LTBP2: variants seen among roughly 807,000 people sequenced by gnomAD.
The protein encoded by LTBP2 is latent transforming growth factor beta binding protein 2, also known as latent-transforming growth factor beta-binding protein 2.
A neutral mutation model predicts 210.6 loss-of-function variants in LTBP2; 103 were observed. The observed-to-expected ratio is 0.49, with a 90% CI of 0.42 to 0.58. The LOEUF is 0.58. LTBP2 is among the 20% of genes least tolerant of loss of function. The probability of loss-of-function intolerance (pLI) is 0.00; values close to 1 mark genes in which losing one functional copy is unlikely to be tolerated. For missense variants in LTBP2, 2,313 were observed against 2,494.5 expected, an observed-to-expected ratio of 0.93 and a Z score of 1.55; for synonymous variants, 1,007 against 1,015.0, an observed-to-expected ratio of 0.99 and a Z score of 0.15.
chr14:74,576,048 C>A (rs2088054538), intron 3 of LTBP2, among the ~76,000 whole-genome samples: 1 of 152,184 alleles, frequency 6.6e-6, no homozygotes, highest in South Asian at 2.1e-4. Context: ...TCTCAGCACT[C>A]CTGAGGGTCT....
At chr14:74,611,196 G>C (rs2088601376) in intron 1 of LTBP2, among the ~76,000 whole-genome samples, 1 of 152,252 alleles carries the variant, frequency 6.6e-6, no homozygotes, top group African/African-American at 2.4e-5. Context: ...GGCGCCTTGC[G>C]AAAGGATTTA....
At chr14:74,575,163 A>G (rs558232785) in intron 3 of LTBP2, among the ~76,000 whole-genome samples, 68 of 152,344 alleles carry the variant, frequency 4.5e-4, no homozygotes, top group South Asian at 4.1e-3. Flanking sequence ...ACATCTGCCC[A>G]GAGCTGGAGT....
chr14:74,604,464 TGCACAATTTTTATGTGGAG>T (rs2088496053), intron 1 of LTBP2, among the ~76,000 whole-genome samples: 1 of 151,524 alleles, frequency 6.6e-6, no homozygotes, highest in Non-Finnish European at 1.5e-5. Flanking sequence ...AAGCTGCCTC[TGCACAATTTTTATGTGGAG>T]GCACAATTTT....
At chr14:74,590,631 A>C (rs967420280) in intron 2 of LTBP2, among the ~76,000 whole-genome samples, 3 of 152,176 alleles carry the variant, frequency 2.0e-5, no homozygotes, top group Non-Finnish European at 4.4e-5. Context: ...TGATATATAT[A>C]TACACCATGG....
intron 2 of LTBP2, among the ~76,000 whole-genome samples, chr14:74,591,571 G>A (rs1016711287): frequency 6.6e-6 from 1 of 152,182 alleles, no homozygotes; most frequent in Non-Finnish European, 1.5e-5. Flanking sequence ...GGCTTCACTC[G>A]CATCCTCTCT....
intron 29 of LTBP2, 26 bp downstream of exon 29, chr14:74,504,957 A>C: frequency 1.6e-6 from 2 of 1,274,662 alleles, no homozygotes; most frequent in Middle Eastern, 3.5e-4. Context: ...TGACCCTTCG[A>C]GGATCTGGAA....
intron 10 of LTBP2, 82 bp downstream of exon 10, chr14:74,532,344 G>C: frequency 1.3e-6 from 2 of 1,590,280 alleles, no homozygotes; most frequent in East Asian, 2.2e-5. Context: ...GAAAATTGCT[G>C]CCCTGGGCCT....
In LTBP2 at chr14:74,552,323, G is replaced by T. The variant is rs746580964; in HGVS notation, c.1263C>A (p.Asn421Lys). ...GCAGGTGGCAGAACTTCCCGGTGGAGTTGGCGGGGCACCAGCATTCGTCCC... is the reference window on the plus strand; with the variant it reads ...GCAGGTGGCAGAACTTCCCGGTGGATTTGGCGGGGCACCAGCATTCGTCCC... ...IGRDECWCPA[N>K]STGKFCHLPI... Residue 421 changes from asparagine (N) to lysine (K), a missense_variant, in exon 6 of 36, where the codon AAC becomes AAA. Coordinates refer to ENST00000261978, the MANE Select transcript of LTBP2 (RefSeq NM_000428.3). 1 of 1,612,768 alleles carries T rather than the reference G, an allele frequency of 6.2e-7. No individual in the cohort carries two copies. Among genetic ancestry groups the T allele is most frequent in the Non-Finnish European group, 8.5e-7 (1 of 1,179,996 alleles).
chr14:74,501,877 T>A, intron 34 of LTBP2: 1 of 508,620 alleles, frequency 2.0e-6, no homozygotes, highest in East Asian at 3.6e-5. Context: ...CTGCTGGGGT[T>A]TGGGTGGTCG....
intron 1 of LTBP2, among the ~76,000 whole-genome samples, chr14:74,605,025 G>A (rs896605344): frequency 6.6e-6 from 1 of 152,228 alleles, no homozygotes; most frequent in Non-Finnish European, 1.5e-5. Context: ...TCCTTGGCAG[G>A]CTGGGCCGGG....
intron 17 of LTBP2, 121 bp from the exon 18 acceptor site, chr14:74,517,062 A>G: frequency 7.6e-7 from 1 of 1,315,224 alleles, no homozygotes; most frequent in South Asian, 1.3e-5. Context: ...AGGCCTGGGC[A>G]GGGAAGGCAT....
Position 74,585,955 on chromosome 14 carries a change from T to C in LTBP2, c.729A>G (p.Ser243=), listed in dbSNP as rs1383687673. ...RLAPRRWAER[S]PNLRRSSAAG... ...CCGCACTGCTCCTGCGCAGGTTGGGTGAACGCTCGGCCCAGCGTCGAGGTG... is the reference window on the plus strand; with the variant it reads ...CCGCACTGCTCCTGCGCAGGTTGGGCGAACGCTCGGCCCAGCGTCGAGGTG... The change falls in exon 3 of 36, where the codon TCA becomes TCG. Residue 243 remains serine (S), a synonymous_variant. Coordinates refer to ENST00000261978, the MANE Select transcript of LTBP2 (RefSeq NM_000428.3). The C allele has an allele frequency of 9.3e-6, 15 of 1,613,586 alleles. No individual in the cohort carries two copies. The highest frequency in any genetic ancestry group is 1.3e-5 in the African/African-American group (1 of 74,898).
intron 3 of LTBP2, among the ~76,000 whole-genome samples, chr14:74,569,513 C>T (rs2087947043): frequency 6.6e-6 from 1 of 152,090 alleles, no homozygotes; most frequent in Non-Finnish European, 1.5e-5. Context: ...GCCTGGGTTT[C>T]CCCTGGCTAT....
At chr14:74,567,241 G>T (rs1314591419) in intron 3 of LTBP2, among the ~76,000 whole-genome samples, 1 of 152,206 alleles carries the variant, frequency 6.6e-6, no homozygotes, top group South Asian at 2.1e-4. Context: ...ACTCCTAGGA[G>T]CCACATCTCT....
chr14:74,531,146 G>A (rs1249990889), intron 10 of LTBP2, among the ~76,000 whole-genome samples: 2 of 152,184 alleles, frequency 1.3e-5, no homozygotes, highest in East Asian at 3.9e-4. Flanking sequence ...CTGCCCCACT[G>A]GACCTGGTCA....
At chr14:74,507,926 T>C (rs2087011608) in intron 25 of LTBP2, 47 bp downstream of exon 25, 6 of 1,610,396 alleles carry the variant, frequency 3.7e-6, no homozygotes, top group East Asian at 2.2e-5. Context: ...AGTGTAGAGA[T>C]GGGCAGATGT....
rs1294786447 is a variant in LTBP2, at chr14:74,586,159, G to A, written c.566-41C>T. On this transcript the variant is annotated intron_variant, in intron 2 of 35. Transcript: ENST00000261978. The surrounding 1 kb of genome is among the most constrained non-coding windows in gnomAD (Gnocchi z 4.6). ...GAGAGGTGACAGCAGTGGCCATAGG[G>A]CACTGAGACCACAGCTGCCCACACC... is the stretch of plus-strand genomic sequence containing the variant. The A allele has an allele frequency of 1.1e-5, 18 of 1,566,978 alleles. No homozygotes were observed. Among genetic ancestry groups the A allele is most frequent in the Non-Finnish European group, 1.5e-5 (17 of 1,156,770 alleles).
At chr14:74,521,834 G>C in intron 17 of LTBP2, 77 bp downstream of exon 17, 3 of 1,586,366 alleles carry the variant, frequency 1.9e-6, no homozygotes, top group Admixed American at 1.7e-5. Context: ...GGTGTTTGGG[G>C]GTGTGAACCC....
chr14:74,515,642 A>G (rs2087125259), intron 18 of LTBP2, among the ~76,000 whole-genome samples: 1 of 152,152 alleles, frequency 6.6e-6, no homozygotes, highest in Non-Finnish European at 1.5e-5. Context: ...CTAATGTCAA[A>G]TTCACAGTGT....
Sources: allele counts gnomAD v4.1 joint callset (sites outside exome capture counted in the v4.1 genomes callset), GRCh38; gene constraint gnomAD v4.1.1; non-coding constraint Gnocchi (gnomAD v3.1); transcripts MANE v1.5; gene names NCBI Gene and HGNC (gene_info 2026-07-23, HGNC 2026-07-21).